Variants in SHISA6 observed in about 807,000 individuals in gnomAD.
The protein encoded by SHISA6 is shisa family member 6.
A neutral mutation model predicts 47.9 loss-of-function variants in SHISA6; 22 were observed. That is an observed-to-expected ratio of 0.46 (90% confidence interval 0.33 to 0.66). The LOEUF (loss-of-function observed/expected upper bound fraction) is 0.66, where lower values mean the gene tolerates loss of function less well. Ranked by LOEUF, SHISA6 falls within the 30% of genes least tolerant of loss-of-function variation. The pLI, the probability that SHISA6 is intolerant of heterozygous loss-of-function variation, is 0.02. For synonymous variants in SHISA6, 388 were observed against 337.8 expected (o/e 1.15, Z -1.63); for missense variants, 680 against 764.6 (o/e 0.89, Z 1.30).
At chr17:11,299,746 C>T (rs1368712670) in intron 2 of SHISA6, among the ~76,000 whole-genome samples, 2 of 152,146 alleles carry the variant, frequency 1.3e-5, no homozygotes, top group African/African-American at 2.4e-5. Flanking sequence ...AACCTGTGTC[C>T]ACTTATAAGG....
chr17:11,271,884 G>A (rs748984242), intron 2 of SHISA6, among the ~76,000 whole-genome samples: 12 of 151,708 alleles, frequency 7.9e-5, no homozygotes, highest in African/African-American at 2.7e-4. Flanking sequence ...CCCCTCCTGC[G>A]CCCTTCTCTA....
intron 3 of SHISA6, among the ~76,000 whole-genome samples, chr17:11,457,913 GTATCT>G (rs1567611121): frequency 6.6e-6 from 1 of 151,712 alleles, no homozygotes; most frequent in African/African-American, 2.4e-5. Flanking sequence ...GTAAAACCCC[GTATCT>G]ACTAAAAATA....
At chr17:11,339,158 G>C (rs1911431237) in intron 2 of SHISA6, among the ~76,000 whole-genome samples, 1 of 141,264 alleles carries the variant, frequency 7.1e-6, no homozygotes, top group African/African-American at 2.6e-5. Context: ...AGAACTTAAA[G>C]TATGATTAAA....
chr17:11,247,877 C>T (rs1907653305), intron 1 of SHISA6, among the ~76,000 whole-genome samples: 1 of 151,376 alleles, frequency 6.6e-6, no homozygotes, highest in Admixed American at 6.6e-5. Flanking sequence ...CTGGTTTGAG[C>T]TATTCTCCTG....
At chr17:11,354,643 C>T (rs532517039) in intron 2 of SHISA6, among the ~76,000 whole-genome samples, 19 of 152,196 alleles carry the variant, frequency 1.2e-4, no homozygotes, top group Non-Finnish European at 2.8e-4. Context: ...GGAGCTCACA[C>T]ATCAGCCAAG....
At chr17:11,432,190 G>A (rs949884812) in intron 3 of SHISA6, among the ~76,000 whole-genome samples, 1 of 152,190 alleles carries the variant, frequency 6.6e-6, no homozygotes, top group Non-Finnish European at 1.5e-5. Context: ...AAGCCACAAG[G>A]ATTAAAAATA....
At chr17:11,433,070 A>T (rs1914833191) in intron 3 of SHISA6, among the ~76,000 whole-genome samples, 1 of 152,224 alleles carries the variant, frequency 6.6e-6, no homozygotes, top group African/African-American at 2.4e-5. Flanking sequence ...TTGTATCTCA[A>T]TACAGCTATT....
chr17:11,481,936 C>G (rs1916234575), intron 3 of SHISA6, among the ~76,000 whole-genome samples: 1 of 152,004 alleles, frequency 6.6e-6, no homozygotes, highest in Non-Finnish European at 1.5e-5. Flanking sequence ...AAAATACCAA[C>G]AAGGAAGTGA....
intron 3 of SHISA6, among the ~76,000 whole-genome samples, chr17:11,543,181 C>A (rs1242254475): frequency 6.6e-6 from 1 of 152,088 alleles, no homozygotes; most frequent in Non-Finnish European, 1.5e-5. Flanking sequence ...TGTGTCTTCT[C>A]CTAACTTTTA....
intron 1 of SHISA6, among the ~76,000 whole-genome samples, chr17:11,263,055 ACCTGCCTGG>A (rs1043733690): frequency 1.3e-5 from 2 of 152,248 alleles, no homozygotes; most frequent in Admixed American, 6.5e-5. Flanking sequence ...TGCTATAGAT[ACCTGCCTGG>A]CATAGGTGGA....
chr17:11,324,360 G>A (rs903842097), intron 2 of SHISA6, among the ~76,000 whole-genome samples: 5 of 152,152 alleles, frequency 3.3e-5, no homozygotes, highest in Non-Finnish European at 7.3e-5. Context: ...GAAGAAGAAG[G>A]AACTCGTATT....
At chr17:11,493,391 T>C (rs954886584) in intron 3 of SHISA6, among the ~76,000 whole-genome samples, 1 of 152,042 alleles carries the variant, frequency 6.6e-6, no homozygotes, top group African/African-American at 2.4e-5. Context: ...CACGCTCAGC[T>C]AATTTTTGTA....
chr17:11,430,595 G>C (rs1480075577), intron 3 of SHISA6, among the ~76,000 whole-genome samples: 1 of 152,126 alleles, frequency 6.6e-6, no homozygotes, highest in Admixed American at 6.5e-5. Context: ...AGGGAGTAAG[G>C]GAGTGTAGAG....
chr17:11,411,977 TTA>T (rs1434164243), intron 3 of SHISA6, among the ~76,000 whole-genome samples: 1 of 152,172 alleles, frequency 6.6e-6, no homozygotes, highest in African/African-American at 2.4e-5. Flanking sequence ...TGGTTTTCAT[TTA>T]GTTTCCTTTT....
At chr17:11,536,682 G>C in intron 3 of SHISA6, among the ~76,000 whole-genome samples, 1 of 152,120 alleles carries the variant, frequency 6.6e-6, no homozygotes, top group Non-Finnish European at 1.5e-5. Context: ...CACTGTGTCA[G>C]CAGCCAAGCC....
chr17:11,427,719 G>C (rs112026562), intron 3 of SHISA6, among the ~76,000 whole-genome samples: 1 of 151,992 alleles, frequency 6.6e-6, no homozygotes, highest in Non-Finnish European at 1.5e-5. Context: ...CTTGCTTCCC[G>C]CAAAAGGTGA....
chr17:11,531,442 G>A (rs1401939850), intron 3 of SHISA6, among the ~76,000 whole-genome samples: 1 of 152,084 alleles, frequency 6.6e-6, no homozygotes, highest in Admixed American at 6.6e-5. Context: ...AAACAGCTCA[G>A]ATACGGTTAG....
chr17:11,491,418 A>G (rs1245792327), intron 3 of SHISA6, among the ~76,000 whole-genome samples: 1 of 152,152 alleles, frequency 6.6e-6, no homozygotes, highest in East Asian at 1.9e-4. Flanking sequence ...CTCTTGCCTC[A>G]GCTTCCCAAG....
intron 2 of SHISA6, among the ~76,000 whole-genome samples, chr17:11,299,465 A>G (rs1030079897): frequency 6.6e-6 from 1 of 152,118 alleles, no homozygotes; most frequent in Non-Finnish European, 1.5e-5. Flanking sequence ...TTTAAACAAC[A>G]CAAATTTATT....
Sources: gnomAD v4.1 joint callset for allele counts (sites outside exome capture counted in the v4.1 genomes callset) on GRCh38, gnomAD v4.1.1 for gene constraint, MANE v1.5 for transcripts, NCBI Gene and HGNC (gene_info 2026-07-23, HGNC 2026-07-21) for gene names.